RTN1: variants seen among roughly 807,000 people sequenced by gnomAD.
RTN1 encodes the protein reticulon-1.
RTN1 carries 25 observed loss-of-function variants against 65.5 expected under a neutral mutation model. The ratio of observed to expected loss-of-function variants is 0.38; its 90% CI spans 0.28 to 0.53. RTN1 has a LOEUF of 0.53. Ranked by LOEUF, RTN1 falls within the 20% of genes least tolerant of loss-of-function variation. RTN1 has a pLI of 0.79. For missense variants in RTN1, 983 were observed against 1,025.4 expected, an observed-to-expected ratio of 0.96 and a Z score of 0.57; for synonymous variants, 471 against 447.6, an observed-to-expected ratio of 1.05 and a Z score of -0.66.
chr14:59,785,191 G>A (rs1266711894), intron 1 of RTN1, among the ~76,000 whole-genome samples: 1 of 152,120 alleles, frequency 6.6e-6, no homozygotes, highest in Non-Finnish European at 1.5e-5. Flanking sequence ...TCCTAATGCT[G>A]CAGGTATCAC....
At chr14:59,810,808 C>T (rs143003611) in intron 1 of RTN1, among the ~76,000 whole-genome samples, 3 of 152,226 alleles carry the variant, frequency 2.0e-5, no homozygotes, top group Non-Finnish European at 2.9e-5. Flanking sequence ...CAATATGTTG[C>T]GTGTAGAGAA....
chr14:59,792,127 T>G (rs770633189), intron 1 of RTN1, among the ~76,000 whole-genome samples: 1 of 152,280 alleles, frequency 6.6e-6, no homozygotes, highest in Admixed American at 6.5e-5. Flanking sequence ...CTGCCATTAT[T>G]TGATGGCTGC....
At chr14:59,713,457 TC>T (rs1884465767) in intron 3 of RTN1, among the ~76,000 whole-genome samples, 2 of 152,318 alleles carry the variant, frequency 1.3e-5, no homozygotes, top group African/African-American at 4.8e-5. Flanking sequence ...AGGATGAAGT[TC>T]CCCTCATACA....
At chr14:59,804,389 G>A (rs1253562215) in intron 1 of RTN1, among the ~76,000 whole-genome samples, 1 of 152,054 alleles carries the variant, frequency 6.6e-6, no homozygotes, top group Non-Finnish European at 1.5e-5. Context: ...ATTAACCTTG[G>A]TCACCTGAGG....
rs542902112 is a variant in RTN1, at chr14:59,740,049, C to T, written c.1015+5659G>A. Among the ~76,000 whole-genome samples the T allele has an allele frequency of 1.1e-3, 174 of 152,282 alleles. 1 individual carries two copies. Among genetic ancestry groups the T allele is most frequent in the African/African-American group, 6.5e-4 (27 of 41,572 alleles). ...CCACTCATTCTGCACAACTGGGAGC[C>T]CCTAGGCAGCCTTGTATTTGCTGTG... On this transcript the variant is annotated intron_variant, in intron 2 of 8. Transcript: ENST00000267484.
intron 1 of RTN1, among the ~76,000 whole-genome samples, chr14:59,834,755 A>G (rs1412775656): frequency 6.6e-6 from 1 of 152,186 alleles, no homozygotes; most frequent in Non-Finnish European, 1.5e-5. Flanking sequence ...CAAACAAAAA[A>G]TTCAAAATGA....
chr14:59,643,124 C>G (rs1362325849), intron 3 of RTN1, among the ~76,000 whole-genome samples: 7 of 152,106 alleles, frequency 4.6e-5, no homozygotes, highest in Non-Finnish European at 1.0e-4. Context: ...AGAAAGAACA[C>G]AAGGCCAAGG....
chr14:59,628,551 A>G (rs1048176965), intron 3 of RTN1, among the ~76,000 whole-genome samples: 2 of 152,208 alleles, frequency 1.3e-5, no homozygotes, highest in Non-Finnish European at 2.9e-5. Flanking sequence ...TTATTAGTCA[A>G]TTTTCAAGAT....
chr14:59,714,808 G>A (rs1477577557), intron 3 of RTN1, among the ~76,000 whole-genome samples: 1 of 152,236 alleles, frequency 6.6e-6, no homozygotes, highest in Non-Finnish European at 1.5e-5. Flanking sequence ...CCGCAGACTG[G>A]TACTGGTCCG....
intron 3 of RTN1, among the ~76,000 whole-genome samples, chr14:59,710,375 G>C (rs1429796797): frequency 6.6e-6 from 1 of 152,196 alleles, no homozygotes; most frequent in African/African-American, 2.4e-5. Flanking sequence ...AAAAATAGAG[G>C]AGAGGAGTCT....
rs1191457559 is a variant in RTN1 at position 59,816,788 on chromosome 14, C to T, written c.241+53602G>A. 6.6e-6 allele frequency among the ~76,000 whole-genome samples: 1 copy of T among 152,044 alleles called. No homozygotes were observed. ...ACCTCTACAAAAAATACAATATTAG[C>T]TGGGTGTGGTGGCATGTGCCTGTGG... On this transcript the variant is annotated intron_variant, in intron 1 of 8. Coordinates refer to ENST00000267484, the MANE Select transcript of RTN1 (RefSeq NM_021136.3). The surrounding 1 kb of genome is among the most constrained non-coding windows in gnomAD (Gnocchi z 4.3).
At chr14:59,822,233 T>A (rs1029852486) in intron 1 of RTN1, among the ~76,000 whole-genome samples, 1 of 152,228 alleles carries the variant, frequency 6.6e-6, no homozygotes, top group Non-Finnish European at 1.5e-5. Context: ...CCTGGTTCAG[T>A]CTTGGGAGGT....
chr14:59,697,634 AT>A (rs1294769178), intron 3 of RTN1, among the ~76,000 whole-genome samples: 18 of 152,318 alleles, frequency 1.2e-4, no homozygotes, highest in African/African-American at 3.6e-4. Context: ...TGGAGACAAA[AT>A]GCAAGGCCTA....
At chr14:59,599,990 T>C (rs979178322) in intron 8 of RTN1, among the ~76,000 whole-genome samples, 16 of 152,358 alleles carry the variant, frequency 1.1e-4, no homozygotes, top group Admixed American at 7.2e-4. Flanking sequence ...TTTCTTATTA[T>C]GGTCTCACTT....
intron 3 of RTN1, among the ~76,000 whole-genome samples, chr14:59,650,918 A>G (rs1883006756): frequency 2.0e-5 from 3 of 152,172 alleles, no homozygotes; most frequent in Admixed American, 6.5e-5. Flanking sequence ...GGGGTCTGTA[A>G]TCCCAGTACT....
intron 3 of RTN1, among the ~76,000 whole-genome samples, chr14:59,678,685 C>T (rs1486770828): frequency 2.0e-5 from 3 of 152,180 alleles, no homozygotes; most frequent in Non-Finnish European, 4.4e-5. Flanking sequence ...CTCACTACTG[C>T]CCCTTCCTCA....
In RTN1 at chr14:59,718,028, G is replaced by T. The variant is rs1260559242; in HGVS notation, c.1765+8891C>A. 2.0e-5 allele frequency among the ~76,000 whole-genome samples: 3 copies of T among 152,184 alleles called. No individual in the cohort carries two copies. In the East Asian group the frequency reaches 5.8e-4, roughly 29 times the overall value. On this transcript the variant is annotated intron_variant, in intron 3 of 8. Coordinates refer to ENST00000267484, the MANE Select transcript of RTN1 (RefSeq NM_021136.3). ...CAACAAACTGCTTCCGATATAAATGGTCTACCAACTACCCTTTGAGAAACA... is the reference window on the plus strand; with the variant it reads ...CAACAAACTGCTTCCGATATAAATGTTCTACCAACTACCCTTTGAGAAACA...
At chr14:59,686,718 G>A (rs1883853801) in intron 3 of RTN1, among the ~76,000 whole-genome samples, 1 of 152,194 alleles carries the variant, frequency 6.6e-6, no homozygotes, top group African/African-American at 2.4e-5. Flanking sequence ...TTCCACTGGG[G>A]ATCTGAGCAG....
chr14:59,692,273 T>C (rs1318866360), intron 3 of RTN1, among the ~76,000 whole-genome samples: 2 of 152,122 alleles, frequency 1.3e-5, no homozygotes, highest in Non-Finnish European at 2.9e-5. Context: ...CAGTAGCATT[T>C]CTATACATCA....
Sources: gnomAD v4.1 joint callset for allele counts (sites outside exome capture counted in the v4.1 genomes callset) on GRCh38, gnomAD v4.1.1 for gene constraint, Gnocchi (gnomAD v3.1) non-coding constraint, MANE v1.5 for transcripts, NCBI Gene and HGNC (gene_info 2026-07-23, HGNC 2026-07-21) for gene names.